RBFOX1: variants seen among roughly 807,000 people sequenced by gnomAD.
RBFOX1 encodes the protein RNA binding fox-1 homolog 1.
In RBFOX1, 8 loss-of-function variants were observed where a neutral mutation model predicts 57.7. The ratio of observed to expected loss-of-function variants is 0.14; its 90% CI spans 0.08 to 0.25. The LOEUF (loss-of-function observed/expected upper bound fraction) is 0.25. Ranked by LOEUF, RBFOX1 falls within the 10% of genes least tolerant of loss-of-function variation. RBFOX1 has a pLI of 1.00. For synonymous variants in RBFOX1, 326 were observed against 222.4 expected (o/e 1.47, Z -4.15); for missense variants, 611 against 548.5 (o/e 1.11, Z -1.14).
At chr16:7,633,836 T>A (rs79937855) in intron 11 of RBFOX1, among the ~76,000 whole-genome samples, 2,527 of 152,292 alleles carry the variant, frequency 0.017, 44 homozygotes, top group Non-Finnish European at 0.025. Context: ...TCCTTTCTCT[T>A]TTATGGCTTT....
intron 2 of RBFOX1, among the ~76,000 whole-genome samples, chr16:6,565,993 A>G (rs776618441): frequency 1.3e-4 from 20 of 152,104 alleles, no homozygotes; most frequent in Non-Finnish European, 2.5e-4. Flanking sequence ...GTGCTACTCT[A>G]TTTGTTCTTC....
chr16:7,326,907 G>T (rs571367133), intron 4 of RBFOX1, among the ~76,000 whole-genome samples: 1 of 152,162 alleles, frequency 6.6e-6, no homozygotes, highest in African/African-American at 2.4e-5. Flanking sequence ...TTTTCAGTCA[G>T]TCATTTCTGG....
intron 11 of RBFOX1, among the ~76,000 whole-genome samples, chr16:7,639,707 G>C (rs2062437356): frequency 6.6e-6 from 1 of 152,080 alleles, no homozygotes; most frequent in Non-Finnish European, 1.5e-5. Context: ...TGCCATTGGG[G>C]TGCCTCTCAG....
intron 1 of RBFOX1, among the ~76,000 whole-genome samples, chr16:6,302,663 C>G (rs2078955970): frequency 6.6e-6 from 1 of 152,100 alleles, no homozygotes; most frequent in Non-Finnish European, 1.5e-5. Flanking sequence ...ACCAGGTCAT[C>G]TGTTGCAATT....
chr16:7,503,673 G>T (rs189317871), intron 4 of RBFOX1, among the ~76,000 whole-genome samples: 1 of 152,304 alleles, frequency 6.6e-6, no homozygotes, highest in Non-Finnish European at 1.5e-5. Flanking sequence ...AGTCTGTTCA[G>T]GATTGAGGCT....
intron 4 of RBFOX1, among the ~76,000 whole-genome samples, chr16:5,950,345 T>G (rs552063807): frequency 1.8e-4 from 28 of 152,336 alleles, no homozygotes; most frequent in African/African-American, 6.5e-4. Flanking sequence ...GAAGATTTCA[T>G]TTCCTATCAA....
chr16:7,073,325 G>T (rs150128639), intron 4 of RBFOX1, among the ~76,000 whole-genome samples: 1,540 of 152,232 alleles, frequency 0.01, 30 homozygotes, highest in African/African-American at 0.035. Flanking sequence ...TTCCCTATAT[G>T]AAGGGGCATG....
At chr16:6,248,248 T>C (rs561516692) in intron 1 of RBFOX1, among the ~76,000 whole-genome samples, 225 of 152,146 alleles carry the variant, frequency 1.5e-3, no homozygotes, top group African/African-American at 5.1e-3. Flanking sequence ...AGAATGGAAC[T>C]GGGGGTGGGA....
At chr16:7,254,503 T>TC (rs1052274768) in intron 4 of RBFOX1, among the ~76,000 whole-genome samples, 11 of 151,934 alleles carry the variant, frequency 7.2e-5, no homozygotes, top group Non-Finnish European at 1.5e-5. Context: ...TCTCTCTTTT[T>TC]TTTTATCAAT....
intron 1 of RBFOX1, among the ~76,000 whole-genome samples, chr16:6,149,603 A>G (rs1394876763): frequency 2.0e-5 from 3 of 152,194 alleles, no homozygotes; most frequent in African/African-American, 4.8e-5. Context: ...GGCAGATGCT[A>G]GATATGCATT....
chr16:6,232,341 C>A (rs555504184), intron 1 of RBFOX1, among the ~76,000 whole-genome samples: 1 of 152,156 alleles, frequency 6.6e-6, no homozygotes, highest in South Asian at 2.1e-4. Context: ...AAAACTGCAG[C>A]TAATTCTCAA....
chr16:5,578,274 G>A (rs2046537420), intron 2 of RBFOX1, among the ~76,000 whole-genome samples: 1 of 152,096 alleles, frequency 6.6e-6, no homozygotes, highest in Non-Finnish European at 1.5e-5. Context: ...GGATGACCTG[G>A]GCTTCTCACC....
At chr16:5,989,880 A>ACACACACACACCCACC (rs33912010) in intron 4 of RBFOX1, among the ~76,000 whole-genome samples, 2 of 127,210 alleles carry the variant, frequency 1.6e-5, no homozygotes, top group Non-Finnish European at 3.3e-5. Flanking sequence ...ACACACACAC[A>ACACACACACACCCACC]CCACCCCTGT....
chr16:7,705,647 T>G (rs72778529), intron 14 of RBFOX1, among the ~76,000 whole-genome samples: 3,773 of 152,326 alleles, frequency 0.025, 74 homozygotes, highest in Non-Finnish European at 0.035. Context: ...TTGAAGGGTT[T>G]TAAGCGGGGA....
intron 4 of RBFOX1, among the ~76,000 whole-genome samples, chr16:7,072,427 A>G (rs2057514007): frequency 6.6e-6 from 1 of 151,882 alleles, no homozygotes; most frequent in Non-Finnish European, 1.5e-5. Flanking sequence ...CTTTAGATTG[A>G]CTCCTCTTAA....
intron 4 of RBFOX1, among the ~76,000 whole-genome samples, chr16:5,897,719 A>G (rs904990141): frequency 8.5e-5 from 13 of 152,124 alleles, no homozygotes; most frequent in Non-Finnish European, 1.8e-4. Context: ...AGTTTGAAAG[A>G]CCTGACTGGT....
intron 2 of RBFOX1, among the ~76,000 whole-genome samples, chr16:6,492,856 T>A (rs1165703453): frequency 1.3e-5 from 2 of 152,176 alleles, no homozygotes; most frequent in Non-Finnish European, 2.9e-5. Context: ...TGAAAAACTT[T>A]GTTAGAAAGC....
intron 4 of RBFOX1, among the ~76,000 whole-genome samples, chr16:7,463,060 T>G (rs1161713229): frequency 2.6e-5 from 4 of 152,176 alleles, no homozygotes. Flanking sequence ...CAGAAATTCA[T>G]TGCTCACAGT....
rs58032291 is a variant in RBFOX1, at chr16:6,880,223, G to C, written c.-15-171834G>C. Among the ~76,000 whole-genome samples, 107 of 151,986 alleles carry C rather than the reference G, an allele frequency of 7.0e-4. 1 individual carries two copies. Among genetic ancestry groups the C allele is most frequent in the African/African-American group, 2.4e-3 (99 of 41,422 alleles). ...TATAAAAGAGCAAAATTTTCCACCG[G>C]GGGGTAGCAACATGACAAGAAGGGA... On this transcript the variant is annotated intron_variant, in intron 3 of 15. Transcript: ENST00000550418.
Sources: allele counts gnomAD v4.1 joint callset (sites outside exome capture counted in the v4.1 genomes callset), GRCh38; gene constraint gnomAD v4.1.1; transcripts MANE v1.5; gene names NCBI Gene and HGNC (gene_info 2026-07-23, HGNC 2026-07-21).